The following ADGRG4 variants were observed in gnomAD, a reference collection of about 807,000 sequenced individuals.
ADGRG4 encodes the protein G protein-coupled receptor 112.
Under a neutral mutation model 126.2 loss-of-function variants are expected in ADGRG4, and 122 were observed. The ratio of observed to expected loss-of-function variants is 0.97; its 90% CI spans 0.83 to 1.12. The LOEUF (loss-of-function observed/expected upper bound fraction) is 1.12, where lower values mean the gene tolerates loss of function less well. Ranked by LOEUF, ADGRG4 falls within the 50% of genes most tolerant of loss-of-function variation. The probability of loss-of-function intolerance (pLI) is 0.00; values close to 1 mark genes in which losing one functional copy is unlikely to be tolerated. For synonymous variants in ADGRG4, 943 were observed against 838.7 expected (o/e 1.12, Z -2.15); for missense variants, 2,481 against 2,251.8 (o/e 1.10, Z -2.06).
Position 136,396,986 on chromosome X carries a change from T to A in ADGRG4, c.8185-895T>A, listed in dbSNP as rs779857640. On this transcript the variant is annotated intron_variant, in intron 19 of 25. Coordinates refer to ENST00000394143, the MANE Select transcript of ADGRG4 (RefSeq NM_153834.4). ...GTATTTTTTAAGTAGGGACGGGGTTTCACCATTTTGGCCAGGATGGTCTCA... is the reference window on the plus strand; with the variant it reads ...GTATTTTTTAAGTAGGGACGGGGTTACACCATTTTGGCCAGGATGGTCTCA... 2.7e-5 allele frequency among the ~76,000 whole-genome samples: 3 copies of A among 110,360 alleles called. No individual in the cohort carries two copies. In the South Asian group the frequency reaches 1.2e-3, roughly 43 times the overall value.
intron 12 of ADGRG4, 136 bp downstream of exon 12, chrX:136,361,723 T>C (rs915972041): frequency 2.2e-5 from 8 of 370,804 alleles, no homozygotes; most frequent in African/African-American, 1.6e-4. Context: ...CTATTACCTT[T>C]CGTACCTGTT....
intron 5 of ADGRG4, among the ~76,000 whole-genome samples, chrX:136,324,727 A>T (rs932761356): frequency 8.9e-6 from 1 of 111,907 alleles, no homozygotes; most frequent in African/African-American, 3.2e-5. Flanking sequence ...TGTCCTTTTG[A>T]CAAGTTCCCC....
intron 4 of ADGRG4, among the ~76,000 whole-genome samples, chrX:136,309,128 A>C: frequency 8.9e-6 from 1 of 112,620 alleles, no homozygotes; most frequent in Non-Finnish European, 1.9e-5. Flanking sequence ...TTGGCGGCTA[A>C]TGCACACCTA....
chrX:136,373,644 A>G (rs192898191), intron 15 of ADGRG4, among the ~76,000 whole-genome samples: 1 of 111,749 alleles, frequency 8.9e-6, no homozygotes, highest in African/African-American at 3.2e-5. Flanking sequence ...ACAAATGCAT[A>G]CATCTATGTA....
In ADGRG4 at chrX:136,356,266, C is replaced by A. The variant is rs1603296125; in HGVS notation, c.6927+101C>A. 9.6e-6 allele frequency: 5 copies of A among 520,705 alleles called. No homozygotes were observed. In the East Asian group the frequency reaches 1.9e-4, roughly 20 times the overall value. The allele number at this position is 520,705 out of a possible 1,213,427, so 42.9% of individuals were successfully genotyped here. ...CCCAAGTATATATTATCAGGCGAGG[C>A]TTTGTTGTGGCAATTGGGGGTCAAA... On this transcript the variant is annotated intron_variant, in intron 9 of 25. Transcript: ENST00000394143.
At chrX:136,363,954 C>T (rs1353832822) in intron 13 of ADGRG4, among the ~76,000 whole-genome samples, 2 of 109,472 alleles carry the variant, frequency 1.8e-5, no homozygotes, top group African/African-American at 3.3e-5. Flanking sequence ...GGATTACAGG[C>T]GCCCACCACC....
chrX:136,345,796 C>T lies in ADGRG4; in HGVS notation c.2090C>T (p.Ser697Phe), dbSNP rs1456694750. ...AATACTACTTATACAGAATATTTAT[C>T]CGCAACTACCAATATCACCCCACTG... ...HENTTYTEYL[S>F]ATTNITPLKA... Residue 697 changes from serine to phenylalanine, a missense_variant, in exon 6 of 26, where the codon TCC (serine) becomes TTC (phenylalanine). Ser to Phe is a radical substitution (Grantham distance 155). Coordinates refer to ENST00000394143, the MANE Select transcript of ADGRG4 (RefSeq NM_153834.4). 8.3e-7 allele frequency: 1 copy of T among 1,208,215 alleles called. No individual in the cohort carries two copies. Among genetic ancestry groups the T allele is most frequent in the East Asian group, 3.0e-5 (1 of 33,745 alleles).
At chrX:136,374,695 G>A (rs769100512) in intron 15 of ADGRG4, among the ~76,000 whole-genome samples, 3 of 111,800 alleles carry the variant, frequency 2.7e-5, no homozygotes, top group Non-Finnish European at 5.6e-5. Flanking sequence ...CTTCCAAAAT[G>A]CTGGGATTAC....
intron 18 of ADGRG4, among the ~76,000 whole-genome samples, chrX:136,393,896 A>T (rs1170806066): frequency 4.5e-5 from 5 of 111,927 alleles, no homozygotes; most frequent in African/African-American, 1.6e-4. Flanking sequence ...CCCCAAAAAT[A>T]ATTATTTGGA....
At chrX:136,355,371 C>T (rs938442474) in intron 8 of ADGRG4, among the ~76,000 whole-genome samples, 3 of 111,293 alleles carry the variant, frequency 2.7e-5, no homozygotes, top group East Asian at 2.8e-4. Flanking sequence ...TGGACTTCAA[C>T]GTTGAATTTT....
At position 136,387,804 on chromosome X, in the gene ADGRG4, C is replaced by T. The variant is rs1161020084; in HGVS notation, c.7841C>T (p.Thr2614Met). Reference protein sequence around the residue: ...LASIYLPKSLTERIPLSNLQT... With the variant: ...LASIYLPKSLMERIPLSNLQT... ...TCCATATATTTGCCTAAATCACTGA[C>T]GGAGAGAATTCCTCTTAGCAACTTA... The change falls in exon 16 of 26, where the codon ACG (threonine) becomes ATG (methionine). Residue 2614 changes from threonine (T) to methionine (M), a missense_variant. Transcript: ENST00000394143. 28 of 1,201,550 alleles carry T rather than the reference C, an allele frequency of 2.3e-5. No individual in the cohort carries two copies. Among genetic ancestry groups the T allele is most frequent in the South Asian group, 3.5e-5 (2 of 56,543 alleles).
chrX:136,349,963 C>T lies in ADGRG4; in HGVS notation c.6257C>T (p.Thr2086Ile), dbSNP rs2075049840. 1 of 1,208,174 alleles carries T rather than the reference C, an allele frequency of 8.3e-7. No homozygotes were observed. Among genetic ancestry groups the T allele is most frequent in the Non-Finnish European group, 1.1e-6 (1 of 893,711 alleles). The change falls in exon 6 of 26, where the codon ACT (threonine) becomes ATT (isoleucine). Residue 2086 changes from threonine to isoleucine, a missense_variant. Transcript: ENST00000394143. The part of the protein sequence containing the change: ...TLGGITTGFP[T>I]SLPMSINVTD... ...GGTGGTATCACTACTGGCTTCCCAA[C>T]TTCTCTCCCTATGTCTATAAATGTC...
intron 15 of ADGRG4, among the ~76,000 whole-genome samples, chrX:136,382,318 C>T (rs932302056): frequency 4.5e-5 from 5 of 110,564 alleles, no homozygotes; most frequent in African/African-American, 1.3e-4. Context: ...CTATGTCACA[C>T]GATAAAAGAA....
intron 16 of ADGRG4, among the ~76,000 whole-genome samples, chrX:136,389,739 T>C (rs1024092261): frequency 8.9e-6 from 1 of 112,144 alleles, no homozygotes; most frequent in Non-Finnish European, 1.9e-5. Context: ...TAATTCCTAC[T>C]GTGTGTCTTG....
intron 15 of ADGRG4, among the ~76,000 whole-genome samples, chrX:136,381,207 G>A (rs892415142): frequency 3.0e-4 from 33 of 111,226 alleles, no homozygotes; most frequent in Non-Finnish European, 5.1e-4. Context: ...GAATTATTTA[G>A]GAGTGTATTG....
chrX:136,387,862 T>C lies in ADGRG4; in HGVS notation c.7899T>C (p.Thr2633=). The change falls in exon 16 of 26, where the codon ACT becomes ACC. Residue 2633 remains threonine (T), a synonymous_variant. Coordinates refer to ENST00000394143, the MANE Select transcript of ADGRG4 (RefSeq NM_153834.4). ...TCTTGTTTAATTTCTTTGGCCAAAC[T>C]TCACTCTTTAAGGTAAATTCTTGCC... ...QTILFNFFGQ[T]SLFKTKNVTK... is the part of the protein sequence containing the mutation. 1 of 1,208,208 alleles carries C rather than the reference T, an allele frequency of 8.3e-7. No individual in the cohort carries two copies. Among genetic ancestry groups the C allele is most frequent in the Non-Finnish European group, 1.1e-6 (1 of 893,068 alleles).
intron 4 of ADGRG4, among the ~76,000 whole-genome samples, chrX:136,320,765 A>C (rs1334629748): frequency 9.1e-6 from 1 of 109,654 alleles, no homozygotes; most frequent in Non-Finnish European, 1.9e-5. Context: ...AAAAGAATTA[A>C]AAAATTTGCC....
intron 24 of ADGRG4, 57 bp from the exon 25 acceptor site, chrX:136,414,103 T>C: frequency 2.0e-6 from 2 of 987,296 alleles, no homozygotes; most frequent in Non-Finnish European, 2.8e-6. Context: ...AATTCACTAC[T>C]TTAAGTATAG....
At chrX:136,379,933 G>A (rs188504819) in intron 15 of ADGRG4, among the ~76,000 whole-genome samples, 27 of 111,632 alleles carry the variant, frequency 2.4e-4, no homozygotes, top group African/African-American at 7.8e-4. Flanking sequence ...CATCTATGTT[G>A]TAGCATGTTA....
Sources: gnomAD v4.1 joint callset for allele counts (sites outside exome capture counted in the v4.1 genomes callset) on GRCh38, gnomAD v4.1.1 for gene constraint, MANE v1.5 for transcripts, NCBI Gene and HGNC (gene_info 2026-07-23, HGNC 2026-07-21) for gene names.